Variants in STX6 observed in about 807,000 individuals in gnomAD.
STX6 encodes syntaxin-6.
In STX6, 23 loss-of-function variants were observed where a neutral mutation model predicts 38.0. The observed-to-expected ratio is 0.60, with a 90% CI of 0.43 to 0.86. The LOEUF (loss-of-function observed/expected upper bound fraction) is 0.86, where lower values mean the gene tolerates loss of function less well. STX6 is among the 40% of genes least tolerant of loss of function. The pLI, the probability that STX6 is intolerant of heterozygous loss-of-function variation, is 0.00. For synonymous variants in STX6, 123 were observed against 107.5 expected (o/e 1.14, Z -0.89); for missense variants, 274 against 312.9 (o/e 0.88, Z 0.94).
chr1:180,981,796 A>G (rs1354720725), intron 7 of STX6, among the ~76,000 whole-genome samples: 8 of 152,224 alleles, frequency 5.3e-5, no homozygotes, highest in African/African-American at 1.9e-4. Flanking sequence ...CACTTCCCGC[A>G]GAGGCTTCAT....
At chr1:180,990,260 C>T in intron 4 of STX6, 151 bp from the exon 5 acceptor site, 1 of 922,426 alleles carries the variant, frequency 1.1e-6, no homozygotes, top group Non-Finnish European at 1.6e-6. Context: ...AGGTTGGTGC[C>T]TGGGTGGTAC....
chr1:181,003,258 T>C (rs1656133441), intron 2 of STX6, among the ~76,000 whole-genome samples: 1 of 152,186 alleles, frequency 6.6e-6, no homozygotes, highest in Non-Finnish European at 1.5e-5. Flanking sequence ...ATTTGTGTTA[T>C]TACTTGATTA....
In STX6 at chr1:180,974,397, G is replaced by A. The variant is rs1331894389; in HGVS notation, c.*2173C>T. On this transcript the variant is annotated 3_prime_UTR_variant, in exon 8 of 8. Coordinates refer to ENST00000258301, the MANE Select transcript of STX6 (RefSeq NM_005819.6). ...TTTAAATCAGTGAGGTAAGCACGCC[G>A]ATTTGAAATATATCCAAACATCATT... 1.3e-5 allele frequency: 2 copies of A among 152,574 alleles called. No homozygotes were observed. The highest frequency in any genetic ancestry group is 4.8e-5 in the African/African-American group (2 of 41,440). 9.5% of individuals were successfully genotyped at this position (152,574 alleles called of 1,614,324 possible).
intron 7 of STX6, among the ~76,000 whole-genome samples, chr1:180,979,587 T>A (rs1290478337): frequency 6.6e-6 from 1 of 152,196 alleles, no homozygotes; most frequent in Admixed American, 6.5e-5. Flanking sequence ...ATTATCAAAC[T>A]CCTGGAAGAA....
At position 181,005,359 on chromosome 1, in the gene STX6, G is replaced by T. The variant is rs142997919; in HGVS notation, c.140C>A (p.Thr47Asn). The T allele has an allele frequency of 8.7e-6, 14 of 1,613,954 alleles. No individual in the cohort carries two copies. Among genetic ancestry groups the T allele is most frequent in the Non-Finnish European group, 1.0e-5 (12 of 1,180,000 alleles). The change falls in exon 2 of 8, where the codon ACC (threonine) becomes AAC (asparagine). Residue 47 changes from threonine to asparagine, a missense_variant. Transcript: ENST00000258301. Reference protein sequence around the residue: ...TATREEIDWTTNELRNNLRSI... With the variant: ...TATREEIDWTNNELRNNLRSI... ...CCGGAGGTTATTTCTCAGCTCGTTG[G>T]TGGTCCAGTCGATTTCTTCCCTTGT...
At chr1:181,015,206 C>T (rs181647917) in intron 1 of STX6, among the ~76,000 whole-genome samples, 1 of 152,186 alleles carries the variant, frequency 6.6e-6, no homozygotes, top group African/African-American at 2.4e-5. Flanking sequence ...ATGACTCCCC[C>T]ACTATACTTC....
intron 1 of STX6, among the ~76,000 whole-genome samples, chr1:181,012,670 TTC>T (rs1234576766): frequency 7.8e-4 from 85 of 108,876 alleles, no homozygotes; most frequent in Non-Finnish European, 1.2e-3. Flanking sequence ...GATTCTTCCA[TTC>T]TTTTTTTTTT....
chr1:181,017,378 G>A (rs1656592896), intron 1 of STX6, among the ~76,000 whole-genome samples: 3 of 151,976 alleles, frequency 2.0e-5, no homozygotes, highest in African/African-American at 7.3e-5. Context: ...GGGCAACAGA[G>A]TGAGACTCCG....
intron 6 of STX6, among the ~76,000 whole-genome samples, chr1:180,986,010 G>T (rs754068919): frequency 4.4e-4 from 67 of 152,230 alleles, no homozygotes; most frequent in Non-Finnish European, 6.6e-4. Flanking sequence ...ACTCATTTTA[G>T]ATCCTGGCAG....
chr1:180,978,727 C>T (rs1239350215), intron 7 of STX6, among the ~76,000 whole-genome samples: 1 of 152,180 alleles, frequency 6.6e-6, no homozygotes, highest in Non-Finnish European at 1.5e-5. Flanking sequence ...TTCCACCTAA[C>T]AGTAGAAAAA....
chr1:181,005,299 G>A lies in STX6; in HGVS notation c.200C>T (p.Thr67Ile), dbSNP rs1445959774. 7 of 1,613,008 alleles carry A rather than the reference G, an allele frequency of 4.3e-6. No homozygotes were observed. The highest frequency in any genetic ancestry group is 1.1e-5 in the South Asian group (1 of 90,958). ...IEWDLEDLDE[T>I]ISIVEANPRK... Reference sequence around the variant, plus strand: ...GACACCACAGAAAAGGATATTGATGGTTTCATCAAGGTCCTCTAGATCCCA... The same window carrying A: ...GACACCACAGAAAAGGATATTGATGATTTCATCAAGGTCCTCTAGATCCCA... Residue 67 changes from threonine (T) to isoleucine (I), a missense_variant, in exon 2 of 8, where the codon ACC (threonine) becomes ATC (isoleucine). Thr to Ile is a moderately conservative substitution (Grantham distance 89, BLOSUM62 -1). Coordinates refer to ENST00000258301, the MANE Select transcript of STX6 (RefSeq NM_005819.6).
chr1:181,020,554 G>A lies in STX6; in HGVS notation c.35+2085C>T, dbSNP rs1231351378. ...GAAAGAGGAAATGAGACCAGAAGCA[G>A]GAAGAACAATTAAAAAGACTCTGAT... On this transcript the variant is annotated intron_variant, in intron 1 of 7. Transcript: ENST00000258301. Among the ~76,000 whole-genome samples the A allele has an allele frequency of 1.6e-4, 24 of 152,192 alleles. 1 individual carries two copies. The highest frequency in any genetic ancestry group is 1.6e-3 in the Admixed American group (24 of 15,276).
At chr1:181,012,669 A>ATTTTTTTTTTTTTTTT (rs1558099149) in intron 1 of STX6, among the ~76,000 whole-genome samples, 1 of 108,278 alleles carries the variant, frequency 9.2e-6, no homozygotes, top group African/African-American at 3.6e-5. Flanking sequence ...AGATTCTTCC[A>ATTTTTTTTTTTTTTTT]TTCTTTTTTT....
intron 6 of STX6, among the ~76,000 whole-genome samples, chr1:180,987,112 G>A (rs970961444): frequency 6.6e-6 from 1 of 152,120 alleles, no homozygotes; most frequent in East Asian, 1.9e-4. Flanking sequence ...GGCCTTCCCT[G>A]GTTTGTTCTC....
At chr1:180,999,469 A>G (rs1382115121) in intron 3 of STX6, among the ~76,000 whole-genome samples, 1 of 152,202 alleles carries the variant, frequency 6.6e-6, no homozygotes, top group Non-Finnish European at 1.5e-5. Context: ...TATGAAAGCT[A>G]TTTACACAAA....
At chr1:181,003,784 A>G (rs556741265) in intron 2 of STX6, among the ~76,000 whole-genome samples, 4 of 152,344 alleles carry the variant, frequency 2.6e-5, no homozygotes, top group African/African-American at 7.2e-5. Flanking sequence ...CCAGTTGGAA[A>G]AAAAGGCTAT....
In STX6 at chr1:180,976,541, G is replaced by A. The variant is rs200969874; in HGVS notation, c.*29C>T. Reference sequence around the variant, plus strand: ...TCCTCCTCCCCTCGGTTCATATGCAGGAGGAACTCGCACCCAGAGGCCCCG... The same window carrying A: ...TCCTCCTCCCCTCGGTTCATATGCAAGAGGAACTCGCACCCAGAGGCCCCG... On this transcript the variant is annotated 3_prime_UTR_variant, in exon 8 of 8. Coordinates refer to ENST00000258301, the MANE Select transcript of STX6 (RefSeq NM_005819.6). The A allele has an allele frequency of 6.2e-6, 10 of 1,603,522 alleles. No homozygotes were observed. The East Asian group carries it at 2.2e-4, about 36-fold the overall frequency.
In STX6 at chr1:180,975,524, C is replaced by T. The variant is rs1352572932; in HGVS notation, c.*1046G>A. On this transcript the variant is annotated 3_prime_UTR_variant, in exon 8 of 8. Transcript: ENST00000258301. ...TTTACCTACACATCCTTGCCATTAC[C>T]CACAGAGTAAGAGAAGTCTGGCCCA... 1 of 152,604 alleles carries T rather than the reference C, an allele frequency of 6.6e-6. No individual in the cohort carries two copies. Among genetic ancestry groups the T allele is most frequent in the Non-Finnish European group, 1.5e-5 (1 of 68,048 alleles). The allele number at this position is 152,604 out of a possible 1,614,324, so 9.5% of individuals were successfully genotyped here.
chr1:180,991,377 G>T (rs1655753619), intron 4 of STX6, among the ~76,000 whole-genome samples: 4 of 152,116 alleles, frequency 2.6e-5, no homozygotes, highest in Admixed American at 1.3e-4. Flanking sequence ...AAAAGATCCT[G>T]CTCATTATGA....
Sources: gnomAD v4.1 joint callset for allele counts (sites outside exome capture counted in the v4.1 genomes callset) on GRCh38, gnomAD v4.1.1 for gene constraint, MANE v1.5 for transcripts, NCBI Gene and HGNC (gene_info 2026-07-23, HGNC 2026-07-21) for gene names.